DROSHA: variants seen among roughly 807,000 people sequenced by gnomAD.
DROSHA encodes the protein ribonuclease 3.
DROSHA carries 56 observed loss-of-function variants against 181.9 expected under a neutral mutation model. The observed-to-expected ratio is 0.31, with a 90% CI of 0.25 to 0.38. DROSHA has a LOEUF of 0.38. DROSHA is among the 10% of genes least tolerant of loss of function. The pLI, the probability that DROSHA is intolerant of heterozygous loss-of-function variation, is 1.00. For synonymous variants in DROSHA, 524 were observed against 591.2 expected (o/e 0.89, Z 1.65); for missense variants, 1,218 against 1,743.5 (o/e 0.70, Z 5.37).
chr5:31,461,913 T>A (rs3805502), intron 20 of DROSHA, among the ~76,000 whole-genome samples: 30,862 of 151,974 alleles, frequency 0.2, 3,541 homozygotes, highest in East Asian at 0.36. Flanking sequence ...GATGGTGAAA[T>A]AATATTTAAT....
chr5:31,420,969 A>G (rs1049269890), intron 30 of DROSHA, among the ~76,000 whole-genome samples: 7 of 152,208 alleles, frequency 4.6e-5, no homozygotes, highest in African/African-American at 9.6e-5. Context: ...TTAAGCTTTA[A>G]TCTCCTCTAA....
At chr5:31,521,282 G>T in intron 5 of DROSHA, 67 bp from the exon 6 acceptor site, 2 of 1,537,198 alleles carry the variant, frequency 1.3e-6, no homozygotes, top group Non-Finnish European at 1.8e-6. Context: ...TCTTTTCACT[G>T]AATTCATCTT....
At chr5:31,466,042 G>A (rs1748963442) in intron 19 of DROSHA, 140 bp downstream of exon 19, 1 of 781,076 alleles carries the variant, frequency 1.3e-6, no homozygotes, top group South Asian at 2.0e-5. Flanking sequence ...GTATAATAAT[G>A]GGGGGAGGAG....
rs1279642070 is a variant in DROSHA, at chr5:31,409,982, AAAAG to A, written c.3668-654_3668-651del. ...AGCTTTCATTGAGCTAAAAAAAAAA[AAAAG>A]AATGATCTCTCTGTTTAATTTTTAT... On this transcript the variant is annotated intron_variant, in intron 31 of 35. Transcript: ENST00000344624. This position sits in a 1 kb window ranked among gnomAD's most constrained non-coding sequence, Gnocchi z 4.0. Among the ~76,000 whole-genome samples the A allele has an allele frequency of 6.7e-3, 1,014 of 152,268 alleles. 9 individuals carry two copies. Among genetic ancestry groups the A allele is most frequent in the African/African-American group, 0.023 (953 of 41,550 alleles).
intron 17 of DROSHA, among the ~76,000 whole-genome samples, chr5:31,469,862 C>A (rs1657345260): frequency 6.6e-6 from 1 of 152,188 alleles, no homozygotes; most frequent in African/African-American, 2.4e-5. Context: ...AAGATTAATT[C>A]TTTTAAGTTC....
At chr5:31,509,244 C>T (rs192001342) in intron 9 of DROSHA, among the ~76,000 whole-genome samples, 1 of 144,536 alleles carries the variant, frequency 6.9e-6, no homozygotes, top group Non-Finnish European at 1.5e-5. Context: ...CTAAGCAACA[C>T]CATAAAAAAA....
chr5:31,433,822 G>A (rs1744485165), intron 25 of DROSHA, among the ~76,000 whole-genome samples: 1 of 152,102 alleles, frequency 6.6e-6, no homozygotes, highest in South Asian at 2.1e-4. Context: ...AATCATGCTG[G>A]GATTACAGGC....
At chr5:31,421,191 A>T in intron 30 of DROSHA, 81 bp downstream of exon 30, 1 of 1,050,234 alleles carries the variant, frequency 9.5e-7, no homozygotes, top group South Asian at 1.4e-5. Context: ...GAAATTAATT[A>T]CATAGATATA....
At chr5:31,448,647 TAGA>T (rs775812044) in intron 22 of DROSHA, 40 bp from the exon 23 acceptor site, 190 of 1,489,678 alleles carry the variant, frequency 1.3e-4, no homozygotes, top group Non-Finnish European at 1.7e-4. Flanking sequence ...TAAATACGGA[TAGA>T]AGAATTATAG....
rs755678648 is a variant in DROSHA, at chr5:31,401,581, T to C, written c.3995-19A>G. ...AAATTATCTGACACAAGGAAATATA[T>C]TTTATATTTAATAAAATTATATTTA... On this transcript the variant is annotated intron_variant, in intron 35 of 35. Transcript: ENST00000344624. The C allele has an allele frequency of 8.6e-6, 12 of 1,390,560 alleles. No homozygotes were observed. The highest frequency in any genetic ancestry group is 1.8e-5 in the South Asian group (1 of 55,008). 86.1% of individuals were successfully genotyped at this position (1,390,560 alleles called of 1,614,324 possible).
chr5:31,428,019 T>G (rs533024774), intron 27 of DROSHA, among the ~76,000 whole-genome samples: 1 of 152,340 alleles, frequency 6.6e-6, no homozygotes, highest in East Asian at 1.9e-4. Flanking sequence ...CACACTCTGC[T>G]TTTAATCCAG....
chr5:31,497,647 G>A (rs927419780), intron 11 of DROSHA, among the ~76,000 whole-genome samples: 7 of 152,236 alleles, frequency 4.6e-5, no homozygotes, highest in African/African-American at 1.7e-4. Context: ...CCCAGTAGCT[G>A]GATCAGAGAT....
chr5:31,512,109 CACTCTG>C (rs2150054994), intron 8 of DROSHA, among the ~76,000 whole-genome samples: 1 of 152,318 alleles, frequency 6.6e-6, no homozygotes, highest in East Asian at 1.9e-4. Flanking sequence ...TACATCTCCA[CACTCTG>C]ACTTAGTAGC....
At position 31,431,474 on chromosome 5, in the gene DROSHA, GA is replaced by G. The variant is rs1744180845; in HGVS notation, c.3145+101del. ...GTCCTAGGAACCTCATGTGCTTTGG[GA>G]ACAAGTAATTCTGTCCCAAGTTTCC... On this transcript the variant is annotated intron_variant, in intron 26 of 35. Transcript: ENST00000344624. 3 of 1,172,610 alleles carry G rather than the reference GA, an allele frequency of 2.6e-6. No homozygotes were observed. In the Admixed American group the frequency reaches 6.4e-5, roughly 25 times the overall value. The allele number at this position is 1,172,610 out of a possible 1,614,324, so 72.6% of individuals were successfully genotyped here.
chr5:31,507,184 G>A (rs554243862), intron 10 of DROSHA, among the ~76,000 whole-genome samples: 276 of 152,252 alleles, frequency 1.8e-3, no homozygotes, highest in African/African-American at 6.2e-3. Flanking sequence ...AGGCAGGCCA[G>A]GCGCAGTGGC....
chr5:31,493,323 A>C, intron 12 of DROSHA, 30 bp from the exon 13 acceptor site: 2 of 1,558,460 alleles, frequency 1.3e-6, no homozygotes, highest in Non-Finnish European at 1.7e-6. Context: ...CGAACCCCAA[A>C]TTAAATAAAT....
At chr5:31,449,706 G>A (rs1329005795) in intron 21 of DROSHA, among the ~76,000 whole-genome samples, 1 of 152,138 alleles carries the variant, frequency 6.6e-6, no homozygotes, top group Admixed American at 6.5e-5. Context: ...TAGCCTGGAT[G>A]ACAGAGGGAG....
intron 30 of DROSHA, among the ~76,000 whole-genome samples, chr5:31,413,229 T>G (rs975904913): frequency 2.0e-5 from 3 of 152,164 alleles, no homozygotes; most frequent in African/African-American, 7.2e-5. Flanking sequence ...TGACAGGTCT[T>G]AAAGCAGAAG....
chr5:31,484,305 C>T (rs4867334), intron 15 of DROSHA, among the ~76,000 whole-genome samples: 11,480 of 132,914 alleles, frequency 0.086, 707 homozygotes, highest in East Asian at 0.2. Context: ...ACCCGGGAAG[C>T]GGAGCTTGCA....
Sources: gnomAD v4.1 joint callset for allele counts (sites outside exome capture counted in the v4.1 genomes callset) on GRCh38, gnomAD v4.1.1 for gene constraint, Gnocchi (gnomAD v3.1) non-coding constraint, MANE v1.5 for transcripts, NCBI Gene and HGNC (gene_info 2026-07-23, HGNC 2026-07-21) for gene names.